The following PRKG1 variants were observed in gnomAD, a reference collection of about 807,000 sequenced individuals.
PRKG1 encodes protein kinase cGMP-dependent 1, also known as cGMP-dependent protein kinase 1.
Under a neutral mutation model 88.1 loss-of-function variants are expected in PRKG1, and 35 were observed. That is an observed-to-expected ratio of 0.40 (90% CI 0.30 to 0.53). The LOEUF is 0.53. Among genes scored for constraint, PRKG1 ranks in the 20% least tolerant of loss-of-function variants. PRKG1 has a pLI of 0.59. For synonymous variants in PRKG1, 303 were observed against 292.5 expected, an observed-to-expected ratio of 1.04 and a Z score of -0.37; for missense variants, 540 against 839.8, an observed-to-expected ratio of 0.64 and a Z score of 4.41.
At chr10:52,152,000 C>T (rs905448757) in intron 8 of PRKG1, among the ~76,000 whole-genome samples, 3 of 152,038 alleles carry the variant, frequency 2.0e-5, no homozygotes, top group Admixed American at 1.3e-4. Flanking sequence ...TCACTTTACC[C>T]GTATTTATAC....
chr10:51,195,497 T>G (rs1211199912), intron 2 of PRKG1, among the ~76,000 whole-genome samples: 2 of 152,212 alleles, frequency 1.3e-5, no homozygotes, highest in Non-Finnish European at 2.9e-5. Context: ...ATTTTCAGCT[T>G]TCATTGTTTA....
rs1003667712 is a variant in PRKG1 at position 52,062,634 on chromosome 10, A to G, written c.935+3A>G. ...TTTGGAGAGAAAGCCTTGCAGGGGT[A>G]AGTAGATCATGTGTTATACAGGTTT... On this transcript the variant is annotated splice_donor_region_variant and intron_variant, in intron 7 of 17. Transcript: ENST00000373980. The G allele has an allele frequency of 2.5e-6, 4 of 1,584,466 alleles. No individual in the cohort carries two copies. Among genetic ancestry groups the G allele is most frequent in the African/African-American group, 1.4e-5 (1 of 73,512 alleles).
intron 8 of PRKG1, among the ~76,000 whole-genome samples, chr10:52,148,957 CTTTTTTTTTT>C (rs71904885): frequency 1.8e-5 from 1 of 55,166 alleles, no homozygotes; most frequent in African/African-American, 7.5e-5. Flanking sequence ...GATAGTTTTG[CTTTTTTTTTT>C]TTTTTTTTTT....
chr10:51,868,231 A>G (rs922278619), intron 4 of PRKG1, among the ~76,000 whole-genome samples: 1 of 152,206 alleles, frequency 6.6e-6, no homozygotes, highest in African/African-American at 2.4e-5. Flanking sequence ...TTCCAAGAGA[A>G]GAGAACAAAA....
chr10:51,363,319 C>T (rs1315285426), intron 2 of PRKG1, among the ~76,000 whole-genome samples: 4 of 151,808 alleles, frequency 2.6e-5, no homozygotes, highest in Non-Finnish European at 5.9e-5. Flanking sequence ...ACTGGCTGCC[C>T]AGTATATTAC....
intron 3 of PRKG1, among the ~76,000 whole-genome samples, chr10:51,791,564 T>C (rs1838870360): frequency 6.6e-6 from 1 of 152,122 alleles, no homozygotes; most frequent in Non-Finnish European, 1.5e-5. Context: ...ATCCGAAACA[T>C]CTGCTGAACA....
chr10:51,097,589 C>T (rs1205426564), intron 1 of PRKG1, among the ~76,000 whole-genome samples: 1 of 152,060 alleles, frequency 6.6e-6, no homozygotes, highest in Non-Finnish European at 1.5e-5. Flanking sequence ...ATTAGCAGCC[C>T]CACTTGCTGT....
intron 2 of PRKG1, among the ~76,000 whole-genome samples, chr10:51,187,584 C>G (rs1254139299): frequency 6.6e-6 from 1 of 151,860 alleles, no homozygotes; most frequent in Non-Finnish European, 1.5e-5. Context: ...ATAGCTTGGG[C>G]AAACCAAATT....
At chr10:52,214,654 A>T (rs2132810690) in intron 9 of PRKG1, among the ~76,000 whole-genome samples, 1 of 152,314 alleles carries the variant, frequency 6.6e-6, no homozygotes, top group African/African-American at 2.4e-5. Flanking sequence ...TAATAGCCCT[A>T]TGAGACTAGA....
In PRKG1 at chr10:52,174,487, G is replaced by A. The variant is rs73344967; in HGVS notation, c.1076+12524G>A. On this transcript the variant is annotated intron_variant, in intron 9 of 17. Coordinates refer to ENST00000373980, the MANE Select transcript of PRKG1 (RefSeq NM_006258.4). ...ATGCCAATGAATAGAGGGGAGCAGG[G>A]AGAGAATTTAAGAAAAAAGGACTAT... 5.7e-3 allele frequency among the ~76,000 whole-genome samples: 861 copies of A among 152,018 alleles called. 10 individuals are homozygous for A. Among genetic ancestry groups the A allele is most frequent in the African/African-American group, 0.02 (815 of 41,518 alleles).
intron 2 of PRKG1, among the ~76,000 whole-genome samples, chr10:51,400,331 G>A (rs961916673): frequency 2.6e-5 from 4 of 152,220 alleles, no homozygotes; most frequent in African/African-American, 9.7e-5. Context: ...GAAAGGGACA[G>A]GAGGATGAGA....
intron 5 of PRKG1, among the ~76,000 whole-genome samples, chr10:52,044,799 G>T (rs1731848341): frequency 6.6e-6 from 1 of 152,114 alleles, no homozygotes; most frequent in African/African-American, 2.4e-5. Context: ...GGACACAGCA[G>T]CATACTCCCA....
At chr10:52,010,729 G>A (rs1280505274) in intron 5 of PRKG1, among the ~76,000 whole-genome samples, 1 of 152,164 alleles carries the variant, frequency 6.6e-6, no homozygotes, top group East Asian at 1.9e-4. Flanking sequence ...AAAAGAAAAT[G>A]TTGCGAATTC....
chr10:51,046,881 G>A (rs922000044), intron 1 of PRKG1, among the ~76,000 whole-genome samples: 3 of 152,144 alleles, frequency 2.0e-5, no homozygotes, highest in Non-Finnish European at 2.9e-5. Context: ...CTTGGAGCAC[G>A]CTTGGAATAT....
chr10:51,852,990 T>C (rs1187528748), intron 4 of PRKG1, among the ~76,000 whole-genome samples: 1 of 152,182 alleles, frequency 6.6e-6, no homozygotes, highest in Non-Finnish European at 1.5e-5. Flanking sequence ...ATATATAATC[T>C]AGACTTCCCT....
chr10:51,441,226 C>A (rs1437318659), intron 2 of PRKG1, among the ~76,000 whole-genome samples: 1 of 151,894 alleles, frequency 6.6e-6, no homozygotes, highest in African/African-American at 2.4e-5. Flanking sequence ...TTTATTCTTA[C>A]TTAGACCATC....
intron 2 of PRKG1, among the ~76,000 whole-genome samples, chr10:51,338,609 A>C (rs1226143423): frequency 6.6e-6 from 1 of 152,154 alleles, no homozygotes; most frequent in Non-Finnish European, 1.5e-5. Context: ...GGATTGTGTA[A>C]AATGAGATGC....
At chr10:51,233,354 G>T (rs1343718828) in intron 2 of PRKG1, among the ~76,000 whole-genome samples, 1 of 152,124 alleles carries the variant, frequency 6.6e-6, no homozygotes, top group Non-Finnish European at 1.5e-5. Flanking sequence ...GCATAACTAT[G>T]ACTTGAGATC....
intron 9 of PRKG1, among the ~76,000 whole-genome samples, chr10:52,203,793 G>A (rs1358524546): frequency 6.6e-6 from 1 of 152,086 alleles, no homozygotes; most frequent in African/African-American, 2.4e-5. Context: ...ATTTATCATT[G>A]TCGGATTAAA....
Sources: gnomAD v4.1 joint callset for allele counts (sites outside exome capture counted in the v4.1 genomes callset) on GRCh38, gnomAD v4.1.1 for gene constraint, MANE v1.5 for transcripts, NCBI Gene and HGNC (gene_info 2026-07-23, HGNC 2026-07-21) for gene names.